Variants in PVT1 observed in about 807,000 individuals in gnomAD.
The protein encoded by PVT1 is Pvt1 oncogene.
intron 3 of PVT1, among the ~76,000 whole-genome samples, chr8:127,983,208 T>C (rs1159196099): frequency 6.6e-6 from 1 of 152,180 alleles, no homozygotes; most frequent in East Asian, 1.9e-4. Context: ...TGTGGCCTAA[T>C]TATTTCCTGA....
rs1384976837 is a variant in PVT1, at chr8:127,864,786, G to A, written n.373-25803G>A. Among the ~76,000 whole-genome samples the A allele has an allele frequency of 2.6e-5, 4 of 152,206 alleles. No individual in the cohort carries two copies. The East Asian group carries it at 7.7e-4, about 29-fold the overall frequency. Reference sequence around the variant, plus strand: ...GATGGTCTCGATCTCCTGACCTCGTGATCCGCCCGCCTCAGCCTCCCAAAG... The same window carrying A: ...GATGGTCTCGATCTCCTGACCTCGTAATCCGCCCGCCTCAGCCTCCCAAAG... On this transcript the variant is annotated intron_variant and non_coding_transcript_variant, in intron 2 of 10. Coordinates refer to ENST00000651587, the Ensembl canonical transcript of PVT1.
intron 3 of PVT1, among the ~76,000 whole-genome samples, chr8:127,899,716 G>A (rs545841497): frequency 1.3e-5 from 2 of 152,292 alleles, no homozygotes; most frequent in Admixed American, 6.5e-5. Flanking sequence ...TTCAGGCCAG[G>A]CAGTGCTTGG....
At chr8:128,091,274 G>A (rs1035198496) in intron 5 of PVT1, among the ~76,000 whole-genome samples, 1 of 152,140 alleles carries the variant, frequency 6.6e-6, no homozygotes, top group Non-Finnish European at 1.5e-5. Flanking sequence ...CAGTGGCAGG[G>A]CTGAGATGAT....
rs181918177 is a variant in PVT1, at chr8:127,898,197, G to A, written n.782+7199G>A. On this transcript the variant is annotated intron_variant and non_coding_transcript_variant, in intron 3 of 10. Coordinates refer to ENST00000651587, the Ensembl canonical transcript of PVT1. The surrounding 1 kb of genome is among the most constrained non-coding windows in gnomAD (Gnocchi z 4.4). The stretch of plus-strand genomic sequence containing the variant: ...AATATACTCTGTCCTTTGTACCTGC[G>A]TGAAGAAAGAAGAGAAAAGAAAGAA... 5.1e-3 allele frequency among the ~76,000 whole-genome samples: 761 copies of A among 150,624 alleles called. 10 individuals carry two copies. Among genetic ancestry groups the A allele is most frequent in the Non-Finnish European group, 4.0e-3 (271 of 67,688 alleles).
At chr8:128,006,145 T>TAATAATAAAAAA (rs1554603823) in intron 4 of PVT1, among the ~76,000 whole-genome samples, 3 of 134,386 alleles carry the variant, frequency 2.2e-5, no homozygotes, top group African/African-American at 6.0e-5. Context: ...ATAATAATAA[T>TAATAATAAAAAA]AATAAAAAGA....
rs573955945 is a variant in PVT1, at chr8:127,800,157, A to G, written n.372+4086A>G. Among the ~76,000 whole-genome samples, 24 of 152,274 alleles carry G rather than the reference A, an allele frequency of 1.6e-4. No individual in the cohort carries two copies. In the South Asian group the frequency reaches 5.0e-3, roughly 32 times the overall value. ...ACAGAGGAATAAGCCCTTCAGTAAAACATTTGAGTAAAGCAATTATTATTT... is the reference window on the plus strand; with the variant it reads ...ACAGAGGAATAAGCCCTTCAGTAAAGCATTTGAGTAAAGCAATTATTATTT... On this transcript the variant is annotated intron_variant and non_coding_transcript_variant, in intron 2 of 10. Coordinates refer to ENST00000651587, the Ensembl canonical transcript of PVT1.
At chr8:127,921,852 A>ATTT (rs1816062657) in intron 3 of PVT1, among the ~76,000 whole-genome samples, 58 of 81,998 alleles carry the variant, frequency 7.1e-4, no homozygotes, top group South Asian at 1.5e-3. Context: ...TTTTTGGTTC[A>ATTT]TGTTTTTTTT....
intron 4 of PVT1, chr8:128,009,800 T>A (rs774782092): frequency 1.3e-5 from 2 of 152,206 alleles, no homozygotes; most frequent in Non-Finnish European, 2.9e-5. Flanking sequence ...TAAGATGCAG[T>A]GTTAATTCTG....
chr8:127,957,426 G>A (rs1469986893), intron 3 of PVT1, among the ~76,000 whole-genome samples: 1 of 151,982 alleles, frequency 6.6e-6, no homozygotes, highest in Admixed American at 6.6e-5. Context: ...AATTAGCTGA[G>A]TGTGGTGGTG....
At chr8:128,044,015 A>ATTTT (rs763124076) in intron 4 of PVT1, among the ~76,000 whole-genome samples, 7 of 127,352 alleles carry the variant, frequency 5.5e-5, no homozygotes, top group African/African-American at 2.0e-4. Flanking sequence ...TTATTTATTT[A>ATTTT]TTTTTTTTTT....
chr8:128,094,116 G>A (rs911063445), intron 5 of PVT1, among the ~76,000 whole-genome samples: 5 of 152,166 alleles, frequency 3.3e-5, no homozygotes, highest in Non-Finnish European at 7.3e-5. Flanking sequence ...CAGGTTGCCA[G>A]GTCACCTAAA....
At chr8:127,864,952 T>C (rs1310946413) in intron 2 of PVT1, among the ~76,000 whole-genome samples, 1 of 152,214 alleles carries the variant, frequency 6.6e-6, no homozygotes, top group African/African-American at 2.4e-5. Context: ...GAGGCCATCT[T>C]GTCCTAGAGG....
chr8:128,056,670 C>T (rs891494373), intron 4 of PVT1, among the ~76,000 whole-genome samples: 1 of 152,104 alleles, frequency 6.6e-6, no homozygotes, highest in East Asian at 1.9e-4. Flanking sequence ...CCAAGACTGC[C>T]CTTGGGACGC....
chr8:128,028,174 A>C (rs1813340177), intron 4 of PVT1, among the ~76,000 whole-genome samples: 1 of 152,268 alleles, frequency 6.6e-6, no homozygotes, highest in South Asian at 2.1e-4. Context: ...AAGCCTTGAC[A>C]GGCAGCCAAC....
At chr8:128,021,738 AC>A (rs1164766229) in intron 4 of PVT1, among the ~76,000 whole-genome samples, 1 of 151,996 alleles carries the variant, frequency 6.6e-6, no homozygotes, top group Non-Finnish European at 1.5e-5. Flanking sequence ...CCGAATAAAT[AC>A]TCATTTATGT....
At chr8:127,858,502 T>C (rs1815185063) in intron 2 of PVT1, among the ~76,000 whole-genome samples, 8 of 151,958 alleles carry the variant, frequency 5.3e-5, no homozygotes, top group Non-Finnish European at 1.5e-5. Context: ...GCAGAATGCA[T>C]GTGAGTGATA....
intron 4 of PVT1, among the ~76,000 whole-genome samples, chr8:128,001,803 C>T (rs906217924): frequency 2.6e-5 from 4 of 152,304 alleles, no homozygotes; most frequent in African/African-American, 9.6e-5. Flanking sequence ...CTTCTTGGTT[C>T]AGTGTCTTCT....
chr8:127,832,171 A>G (rs955559766), intron 2 of PVT1, among the ~76,000 whole-genome samples: 5 of 151,978 alleles, frequency 3.3e-5, no homozygotes, highest in African/African-American at 1.2e-4. Context: ...CATACATCCC[A>G]GTGTTTTGTG....
chr8:127,939,150 C>A (rs1816313361), intron 3 of PVT1, among the ~76,000 whole-genome samples: 1 of 152,224 alleles, frequency 6.6e-6, no homozygotes. Context: ...TCTGTCTTGG[C>A]AACCCTGTGA....
Sources: gnomAD v4.1 joint callset for allele counts (sites outside exome capture counted in the v4.1 genomes callset) on GRCh38, gnomAD v4.1.1 for gene constraint, Gnocchi (gnomAD v3.1) non-coding constraint, MANE v1.5 for transcripts, NCBI Gene and HGNC (gene_info 2026-07-23, HGNC 2026-07-21) for gene names.